The following RBL2 variants were observed in gnomAD, a reference collection of about 807,000 sequenced individuals.
The protein encoded by RBL2 is retinoblastoma-like protein 2.
In RBL2, 56 loss-of-function variants were observed where a neutral mutation model predicts 126.0. That is an observed-to-expected ratio of 0.44 (90% CI 0.36 to 0.56). The LOEUF is 0.56. Among genes scored for constraint, RBL2 ranks in the 20% least tolerant of loss-of-function variants. The probability of loss-of-function intolerance (pLI) is 0.00; values close to 1 mark genes in which losing one functional copy is unlikely to be tolerated. For synonymous variants in RBL2, 454 were observed against 478.5 expected (o/e 0.95, Z 0.67); for missense variants, 1,229 against 1,398.2 (o/e 0.88, Z 1.93).
chr16:53,481,365 T>TA, intron 20 of RBL2: 1 of 262,432 alleles, frequency 3.8e-6, no homozygotes, highest in Non-Finnish European at 7.2e-6. Context: ...TGCAAATCAT[T>TA]AAATTTTCTC....
intron 8 of RBL2, among the ~76,000 whole-genome samples, chr16:53,458,227 A>T (rs1224413622): frequency 6.6e-6 from 1 of 152,180 alleles, no homozygotes; most frequent in Non-Finnish European, 1.5e-5. Context: ...TGCCAGGTGA[A>T]AGTTTTGCTA....
At chr16:53,487,628 GA>G (rs1479130251) in intron 21 of RBL2, 2 of 152,048 alleles carry the variant, frequency 1.3e-5, no homozygotes, top group African/African-American at 4.8e-5. Flanking sequence ...TGTTTTATGG[GA>G]AAATTTTATA....
chr16:53,446,257 TG>T (rs2058061071), intron 3 of RBL2, among the ~76,000 whole-genome samples: 1 of 152,184 alleles, frequency 6.6e-6, no homozygotes, highest in Non-Finnish European at 1.5e-5. Context: ...ATCCTTGCCA[TG>T]GACTGGTGAA....
chr16:53,471,909 A>T (rs1200764009), intron 17 of RBL2, among the ~76,000 whole-genome samples: 2 of 152,102 alleles, frequency 1.3e-5, no homozygotes, highest in Non-Finnish European at 2.9e-5. Context: ...CTTTCCTATT[A>T]AGTAGTTTCT....
chr16:53,442,946 A>G, intron 3 of RBL2, 88 bp downstream of exon 3: 1 of 996,848 alleles, frequency 1.0e-6, no homozygotes, highest in Non-Finnish European at 1.4e-6. Context: ...TCTGGTTTTA[A>G]AAAAGAAATA....
chr16:53,488,768 G>A (rs1007796142), intron 21 of RBL2: 2 of 152,124 alleles, frequency 1.3e-5, no homozygotes, highest in Admixed American at 6.6e-5. Flanking sequence ...AATTATGGTA[G>A]CATTGCTTAT....
At chr16:53,445,925 G>C (rs1355100319) in intron 3 of RBL2, 1 of 152,228 alleles carries the variant, frequency 6.6e-6, no homozygotes, top group Non-Finnish European at 1.5e-5. Context: ...GGATGAGCCA[G>C]TCAGGTAAGT....
At chr16:53,448,318 G>A (rs183332532) in intron 4 of RBL2, among the ~76,000 whole-genome samples, 373 of 151,648 alleles carry the variant, frequency 2.5e-3, no homozygotes, top group Non-Finnish European at 4.2e-3. Context: ...CACTGTGCCC[G>A]GCTAATTTTT....
intron 11 of RBL2, 63 bp from the exon 12 acceptor site, chr16:53,464,163 T>C: frequency 7.7e-7 from 1 of 1,305,228 alleles, no homozygotes; most frequent in South Asian, 1.8e-5. Flanking sequence ...TTAAGTTCAC[T>C]GGGTATGAAA....
Position 53,454,894 on chromosome 16 carries a change from G to A in RBL2, c.1179+52G>A, listed in dbSNP as rs751544546. The A allele has an allele frequency of 1.9e-5, 27 of 1,419,178 alleles. 2 individuals are homozygous for A. In the Middle Eastern group the frequency reaches 3.2e-3, roughly 167 times the overall value. 87.9% of individuals were successfully genotyped at this position (1,419,178 alleles called of 1,614,324 possible). A position where few individuals can be genotyped will look rare whatever the true frequency, so the allele number is the denominator to read the frequency against. On this transcript the variant is annotated intron_variant, in intron 8 of 21. Transcript: ENST00000262133. ...GAAATACAGGAGCAGGTAAGCCAGG[G>A]GTTCTTTTTTATTTTGGTAATTTCA...
At chr16:53,454,883 G>A (rs2058152412) in intron 8 of RBL2, 41 bp downstream of exon 8, 6 of 1,476,810 alleles carry the variant, frequency 4.1e-6, no homozygotes, top group Middle Eastern at 1.8e-4. Flanking sequence ...TACAGGAGCA[G>A]GTAAGCCAGG....
intron 11 of RBL2, among the ~76,000 whole-genome samples, chr16:53,463,663 G>A (rs1427176195): frequency 6.7e-6 from 1 of 149,934 alleles, no homozygotes; most frequent in East Asian, 2.0e-4. Flanking sequence ...CTACCTCCTG[G>A]GTTCAATTGC....
intron 8 of RBL2, among the ~76,000 whole-genome samples, chr16:53,457,753 G>A (rs530872270): frequency 5.9e-4 from 90 of 152,342 alleles, no homozygotes; most frequent in African/African-American, 2.1e-3. Flanking sequence ...CTCTTGATCA[G>A]AATGAACAGG....
chr16:53,470,936 G>A lies in RBL2; in HGVS notation c.2703+14G>A, dbSNP rs1284190294. 4 of 1,597,270 alleles carry A rather than the reference G, an allele frequency of 2.5e-6. No individual in the cohort carries two copies. Among genetic ancestry groups the A allele is most frequent in the Non-Finnish European group, 3.4e-6 (4 of 1,172,704 alleles). ...GTGATGGCAAAGGTGAGTACCATTT[G>A]GAATTGTAAAGGCAAAGATAGGTCT... On this transcript the variant is annotated intron_variant, in intron 17 of 21. Coordinates refer to ENST00000262133, the MANE Select transcript of RBL2 (RefSeq NM_005611.4).
intron 2 of RBL2, 50 bp from the exon 3 acceptor site, chr16:53,442,608 A>T (rs777370859): frequency 7.4e-7 from 1 of 1,355,100 alleles, no homozygotes. Flanking sequence ...ACTTTTGTAT[A>T]CTTTAGCCTT....
intron 3 of RBL2, among the ~76,000 whole-genome samples, 177 bp from the exon 4 acceptor site, chr16:53,446,865 A>G (rs1355834107): frequency 6.6e-6 from 1 of 152,200 alleles, no homozygotes; most frequent in African/African-American, 2.4e-5. Flanking sequence ...CCTGGATCCC[A>G]GCTATTTCCT....
chr16:53,465,684 G>A lies in RBL2; in HGVS notation c.1863+82G>A, dbSNP rs964377262. ...TAATCCTTTTGGGGATGGGAGGGTG[G>A]CAATTAGGTTTAATATGTTATAATT... On this transcript the variant is annotated intron_variant, in intron 13 of 21. Coordinates refer to ENST00000262133, the MANE Select transcript of RBL2 (RefSeq NM_005611.4). 9 of 1,183,280 alleles carry A rather than the reference G, an allele frequency of 7.6e-6. No homozygotes were observed. The African/African-American group carries it at 1.4e-4, about 19-fold the overall frequency. 73.3% of individuals were successfully genotyped at this position (1,183,280 alleles called of 1,614,324 possible).
At chr16:53,488,621 C>T (rs1961269512) in intron 21 of RBL2, 1 of 152,132 alleles carries the variant, frequency 6.6e-6, no homozygotes, top group Non-Finnish European at 1.5e-5. Flanking sequence ...TAGAACCAAT[C>T]TATAACGTAC....
At chr16:53,446,538 C>G (rs1367885825) in intron 3 of RBL2, among the ~76,000 whole-genome samples, 2 of 152,076 alleles carry the variant, frequency 1.3e-5, no homozygotes, top group Non-Finnish European at 2.9e-5. Context: ...TGGCAATATA[C>G]AACAGGTACT....
Sources: allele counts gnomAD v4.1 joint callset (sites outside exome capture counted in the v4.1 genomes callset), GRCh38; gene constraint gnomAD v4.1.1; transcripts MANE v1.5; gene names NCBI Gene and HGNC (gene_info 2026-07-23, HGNC 2026-07-21).